PUDP: variants seen among roughly 807,000 people sequenced by gnomAD.
PUDP encodes pseudouridine 5'-phosphatase.
A neutral mutation model predicts 9.4 loss-of-function variants in PUDP; 8 were observed. The ratio of observed to expected loss-of-function variants is 0.85; its 90% CI spans 0.50 to 1.53. PUDP has a LOEUF of 1.53. Among genes scored for constraint, PUDP ranks in the 40% most tolerant of loss-of-function variants. The probability of loss-of-function intolerance (pLI) is 0.00; values close to 1 mark genes in which losing one functional copy is unlikely to be tolerated. For synonymous variants in PUDP, 99 were observed against 80.7 expected, an observed-to-expected ratio of 1.23 and a Z score of -1.22; for missense variants, 188 against 189.7, an observed-to-expected ratio of 0.99 and a Z score of 0.05.
chrX:6,739,494 G>A (rs1483617724), intron 3 of PUDP, among the ~76,000 whole-genome samples: 2 of 111,137 alleles, frequency 1.8e-5, no homozygotes, highest in East Asian at 5.6e-4. Context: ...TTTGGTTGTC[G>A]CAACTGGAAA....
At chrX:7,002,863 C>T (rs1009288107) in intron 1 of PUDP, among the ~76,000 whole-genome samples, 5 of 110,025 alleles carry the variant, frequency 4.5e-5, no homozygotes, top group Admixed American at 9.6e-5. Context: ...CAGACACTCT[C>T]CCTCATCCCC....
At chrX:6,771,780 G>A (rs1925368290) in intron 3 of PUDP, among the ~76,000 whole-genome samples, 1 of 112,556 alleles carries the variant, frequency 8.9e-6, no homozygotes, top group South Asian at 3.7e-4. Flanking sequence ...GGTATTTTAG[G>A]CCTTTCTGGT....
chrX:6,866,241 T>A (rs1017743871), intron 3 of PUDP, among the ~76,000 whole-genome samples: 4 of 106,796 alleles, frequency 3.7e-5, no homozygotes, highest in African/African-American at 6.8e-5. Flanking sequence ...TTTTTTTTTT[T>A]AATTTAAAAT....
chrX:6,787,962 C>G (rs1235529719), intron 3 of PUDP, among the ~76,000 whole-genome samples: 1 of 112,027 alleles, frequency 8.9e-6, no homozygotes, highest in Admixed American at 9.5e-5. Flanking sequence ...TAATATATAA[C>G]CTCAAATTTT....
At chrX:6,931,827 C>CTA (rs756335322) in intron 3 of PUDP, among the ~76,000 whole-genome samples, 5 of 111,156 alleles carry the variant, frequency 4.5e-5, no homozygotes, top group Admixed American at 9.6e-5. Flanking sequence ...CTTCCCTACT[C>CTA]TATCTATAGT....
intron 3 of PUDP, among the ~76,000 whole-genome samples, chrX:6,927,108 ATTTT>A (rs2146767186): frequency 9.4e-6 from 1 of 106,878 alleles, no homozygotes; most frequent in East Asian, 2.9e-4. Context: ...TTTTTTTTGA[ATTTT>A]TATTAGAGAT....
chrX:6,990,597 G>A (rs1198609481), intron 1 of PUDP, among the ~76,000 whole-genome samples: 1 of 112,123 alleles, frequency 8.9e-6, no homozygotes, highest in Non-Finnish European at 1.9e-5. Context: ...TGCCTCCAAT[G>A]TCTCCAGCAG....
chrX:6,958,745 C>CAAAAA (rs138391788), intron 3 of PUDP, among the ~76,000 whole-genome samples: 1 of 60,726 alleles, frequency 1.6e-5, no homozygotes, highest in Non-Finnish European at 3.0e-5. Flanking sequence ...AATGCCATCT[C>CAAAAA]AAAAAAAAAA....
chrX:6,891,045 A>G (rs12690133), intron 3 of PUDP, among the ~76,000 whole-genome samples: 5,334 of 107,239 alleles, frequency 0.05, 144 homozygotes, highest in East Asian at 0.15. Flanking sequence ...TGAGCTCAGG[A>G]GTTGGAAGCT....
intron 1 of PUDP, among the ~76,000 whole-genome samples, chrX:7,126,914 A>C (rs766749772): frequency 4.5e-5 from 5 of 111,852 alleles, no homozygotes; most frequent in Non-Finnish European, 5.6e-5. Flanking sequence ...GATCACTAAG[A>C]AATAAGGATC....
intron 2 of PUDP, among the ~76,000 whole-genome samples, chrX:7,100,456 A>G (rs1374979553): frequency 8.9e-6 from 1 of 112,252 alleles, no homozygotes; most frequent in African/African-American, 3.2e-5. Context: ...TTTCTTTTCT[A>G]AAGAGCTCAA....
intron 3 of PUDP, among the ~76,000 whole-genome samples, chrX:6,906,151 T>A (rs1239427283): frequency 8.9e-6 from 1 of 112,272 alleles, no homozygotes; most frequent in Non-Finnish European, 1.9e-5. Flanking sequence ...AGGTGTTGCA[T>A]CTGGAGATAA....
intron 1 of PUDP, among the ~76,000 whole-genome samples, chrX:6,714,310 G>C (rs1406141289): frequency 8.9e-6 from 1 of 112,044 alleles, no homozygotes; most frequent in Non-Finnish European, 1.9e-5. Context: ...AATTGAGGTA[G>C]GGAGATAAAT....
intron 1 of PUDP, among the ~76,000 whole-genome samples, chrX:7,042,340 G>T (rs970925013): frequency 9.0e-6 from 1 of 111,450 alleles, no homozygotes; most frequent in Non-Finnish European, 1.9e-5. Context: ...TGTTAAGTTA[G>T]AAAATGGACT....
chrX:6,714,453 G>C (rs1279669816), intron 1 of PUDP, among the ~76,000 whole-genome samples: 1 of 111,662 alleles, frequency 9.0e-6, no homozygotes, highest in South Asian at 3.7e-4. Context: ...TAAATGAAAG[G>C]ATAGATGCAT....
At chrX:7,125,344 C>T (rs1375755740) in intron 1 of PUDP, among the ~76,000 whole-genome samples, 1 of 111,845 alleles carries the variant, frequency 8.9e-6, no homozygotes, top group Non-Finnish European at 1.9e-5. Context: ...ATTTTAAGAG[C>T]TAAATATACA....
intron 3 of PUDP, among the ~76,000 whole-genome samples, chrX:6,973,135 T>C (rs1928903073): frequency 8.9e-6 from 1 of 112,078 alleles, no homozygotes; most frequent in African/African-American, 3.2e-5. Flanking sequence ...TCTATCTATT[T>C]TGTTTATCTT....
At chrX:7,054,794 C>T (rs748185916) in intron 3 of PUDP, among the ~76,000 whole-genome samples, 2 of 111,867 alleles carry the variant, frequency 1.8e-5, no homozygotes, top group Non-Finnish European at 3.8e-5. Context: ...TGTCCGCTAA[C>T]GAGAATTCCA....
chrX:6,720,273 TATATATATATATATAC>T (rs1456484168), intron 1 of PUDP, among the ~76,000 whole-genome samples: 1 of 87,662 alleles, frequency 1.1e-5, no homozygotes, highest in African/African-American at 4.5e-5. Flanking sequence ...TATATATATA[TATATATATATATATAC>T]ACACACACAC....
Sources: gnomAD v4.1 joint callset for allele counts (sites outside exome capture counted in the v4.1 genomes callset) on GRCh38, gnomAD v4.1.1 for gene constraint, MANE v1.5 for transcripts, NCBI Gene and HGNC (gene_info 2026-07-23, HGNC 2026-07-21) for gene names.